Variants in LEMD1 observed in about 807,000 individuals in gnomAD.
LEMD1 encodes LEM domain-containing protein 1.
In LEMD1, 18 loss-of-function variants were observed where a neutral mutation model predicts 17.4. The ratio of observed to expected loss-of-function variants is 1.04; its 90% confidence interval spans 0.72 to 1.54. The LOEUF (loss-of-function observed/expected upper bound fraction) is 1.54, where lower values mean the gene tolerates loss of function less well. Ranked by LOEUF, LEMD1 falls within the 40% of genes most tolerant of loss-of-function variation. The probability of loss-of-function intolerance (pLI) is 0.00; values close to 1 mark genes in which losing one functional copy is unlikely to be tolerated. For synonymous variants in LEMD1, 88 were observed against 77.8 expected, an observed-to-expected ratio of 1.13 and a Z score of -0.69; for missense variants, 195 against 210.4, an observed-to-expected ratio of 0.93 and a Z score of 0.45.
At chr1:205,429,538 A>T (rs1035601552) in intron 1 of LEMD1, among the ~76,000 whole-genome samples, 9 of 152,172 alleles carry the variant, frequency 5.9e-5, no homozygotes, top group African/African-American at 2.2e-4. Context: ...TTATGCCCTC[A>T]CACTGTGACT....
intron 4 of LEMD1, among the ~76,000 whole-genome samples, chr1:205,399,799 A>G (rs1558717986): frequency 6.6e-6 from 1 of 152,216 alleles, no homozygotes; most frequent in African/African-American, 2.4e-5. Context: ...ACATGAATGA[A>G]TGAGTGAGTG....
intron 4 of LEMD1, among the ~76,000 whole-genome samples, chr1:205,398,262 A>T (rs1664681109): frequency 6.6e-6 from 1 of 152,220 alleles, no homozygotes; most frequent in African/African-American, 2.4e-5. Context: ...TTTTCAATTA[A>T]TTAAGAAACT....
intron 4 of LEMD1, among the ~76,000 whole-genome samples, chr1:205,403,668 A>G (rs559461987): frequency 2.0e-5 from 3 of 152,194 alleles, no homozygotes; most frequent in African/African-American, 7.2e-5. Context: ...GGATTCATTA[A>G]TTTTTTGAAA....
chr1:205,439,084 G>C (rs1337403855), intron 1 of LEMD1, among the ~76,000 whole-genome samples: 1 of 152,124 alleles, frequency 6.6e-6, no homozygotes, highest in South Asian at 2.1e-4. Context: ...GCAGGTGACC[G>C]CTAGGGAAAC....
chr1:205,411,191 G>GA lies in LEMD1; in HGVS notation c.270+5040dup, dbSNP rs759718786. ...GAGAGAAAGAAGGAAAGAAGGAAAG[G>GA]AAGGAAGGAAGGAAGAAAGAAAGAA... is the stretch of plus-strand genomic sequence containing the variant. On this transcript the variant is annotated intron_variant, in intron 4 of 5. Transcript: ENST00000367153. Among the ~76,000 whole-genome samples, 834 of 117,026 alleles carry GA rather than the reference G, an allele frequency of 7.1e-3. 7 individuals carry two copies. Among genetic ancestry groups the GA allele is most frequent in the African/African-American group, 0.025 (789 of 31,204 alleles). 76.8% of individuals were successfully genotyped at this position (117,026 alleles called of 152,430 possible).
intron 4 of LEMD1, among the ~76,000 whole-genome samples, chr1:205,391,982 G>T (rs919243662): frequency 6.6e-6 from 1 of 151,508 alleles, no homozygotes; most frequent in Admixed American, 6.6e-5. Flanking sequence ...ATAGTGGCAG[G>T]CACCTGTAAT....
chr1:205,423,113 C>A (rs540175879), upstream of LEMD1, among the ~76,000 whole-genome samples: 1 of 152,126 alleles, frequency 6.6e-6, no homozygotes, highest in East Asian at 1.9e-4. Flanking sequence ...TACACTTGCC[C>A]GTGGGAGTCT....
rs1391738254 is a variant in LEMD1 at position 205,420,449 on chromosome 1, A to G, written c.82+6T>C. 6.2e-7 allele frequency: 1 copy of G among 1,607,410 alleles called. No homozygotes were observed. Among genetic ancestry groups the G allele is most frequent in the Non-Finnish European group, 8.5e-7 (1 of 1,173,990 alleles). On this transcript the variant is annotated splice_donor_region_variant and intron_variant, in intron 2 of 5. Coordinates refer to ENST00000367153, the MANE Select transcript of LEMD1 (RefSeq NM_001199050.2). ...GTCTGTAATATTTGCTGCATACTGT[A>G]CATACGTAGTATTGGGCCAGGTGAA...
At chr1:205,390,660 T>G (rs896475169) in intron 4 of LEMD1, among the ~76,000 whole-genome samples, 1 of 152,180 alleles carries the variant, frequency 6.6e-6, no homozygotes, top group Non-Finnish European at 1.5e-5. Context: ...AAAATCAATA[T>G]ACAGAAGTCA....
upstream of LEMD1, among the ~76,000 whole-genome samples, chr1:205,423,073 G>A (rs892980604): frequency 6.6e-6 from 1 of 152,056 alleles, no homozygotes; most frequent in East Asian, 1.9e-4. Flanking sequence ...TTCCACATCC[G>A]GTATTTTCCT....
chr1:205,429,483 A>G (rs1451011827), intron 1 of LEMD1, among the ~76,000 whole-genome samples: 2 of 152,202 alleles, frequency 1.3e-5, no homozygotes, highest in African/African-American at 4.8e-5. Flanking sequence ...CTGGGAGGCC[A>G]TATGCAGCTC....
chr1:205,386,431 G>A (rs1664026083), intron 4 of LEMD1: 1 of 152,054 alleles, frequency 6.6e-6, no homozygotes, highest in South Asian at 2.1e-4. Flanking sequence ...AGCCTCTCGA[G>A]TAGCTGGGAC....
Position 205,411,754 on chromosome 1 carries a change from G to T in LEMD1, c.270+4478C>A, listed in dbSNP as rs1665464662. ...AAAGAAAAGAAAGACTGATTCTTGGGCCCAGACCCACAGAATGTGCAGGAT... is the reference window on the plus strand; with the variant it reads ...AAAGAAAAGAAAGACTGATTCTTGGTCCCAGACCCACAGAATGTGCAGGAT... On this transcript the variant is annotated intron_variant, in intron 4 of 5. Transcript: ENST00000367153. Among the ~76,000 whole-genome samples the T allele has an allele frequency of 3.3e-5, 5 of 152,318 alleles. No individual in the cohort carries two copies. In the South Asian group the frequency reaches 1.0e-3, roughly 32 times the overall value.
intron 1 of LEMD1, among the ~76,000 whole-genome samples, chr1:205,444,177 G>GA (rs1252099159): frequency 3.9e-5 from 6 of 152,154 alleles, no homozygotes; most frequent in Admixed American, 2.6e-4. Context: ...CTAAGGAATG[G>GA]AAAAACAGCC....
chr1:205,415,127 G>A (rs534753433), intron 4 of LEMD1, among the ~76,000 whole-genome samples: 2 of 152,314 alleles, frequency 1.3e-5, no homozygotes, highest in East Asian at 1.9e-4. Flanking sequence ...GGGCTGAAAT[G>A]TGCATGGTCA....
At chr1:205,406,692 G>T (rs192909924) in intron 4 of LEMD1, among the ~76,000 whole-genome samples, 2 of 152,122 alleles carry the variant, frequency 1.3e-5, no homozygotes, top group African/African-American at 2.4e-5. Flanking sequence ...GCTTTGGCTC[G>T]CACATGGTGC....
At chr1:205,389,803 C>A (rs141300257) in intron 4 of LEMD1, among the ~76,000 whole-genome samples, 50 of 152,258 alleles carry the variant, frequency 3.3e-4, no homozygotes, top group African/African-American at 1.1e-3. Context: ...ATTTACAGAC[C>A]TTTAAAACTG....
chr1:205,399,621 T>G (rs4550119), intron 4 of LEMD1, among the ~76,000 whole-genome samples: 46,934 of 152,002 alleles, frequency 0.31, 7,600 homozygotes, highest in African/African-American at 0.39. Context: ...ACATCTTTTG[T>G]GCCAGAAACC....
upstream of LEMD1, among the ~76,000 whole-genome samples, chr1:205,423,628 T>C (rs1299470626): frequency 6.6e-6 from 1 of 152,244 alleles, no homozygotes; most frequent in Non-Finnish European, 1.5e-5. Flanking sequence ...GAAATTATTC[T>C]CTTGAAAATC....
Sources: gnomAD v4.1 joint callset for allele counts (sites outside exome capture counted in the v4.1 genomes callset) on GRCh38, gnomAD v4.1.1 for gene constraint, MANE v1.5 for transcripts, NCBI Gene and HGNC (gene_info 2026-07-23, HGNC 2026-07-21) for gene names.